Variants in SETBP1 observed in about 807,000 individuals in gnomAD.
SETBP1 encodes the protein SET-binding protein.
In SETBP1, 9 loss-of-function variants were observed where a neutral mutation model predicts 101.0. The ratio of observed to expected loss-of-function variants is 0.09; its 90% CI spans 0.05 to 0.16. The LOEUF (loss-of-function observed/expected upper bound fraction) is 0.16. Ranked by LOEUF, SETBP1 falls within the 10% of genes least tolerant of loss-of-function variation. The pLI is 1.00. For synonymous variants in SETBP1, 818 were observed against 788.5 expected, an observed-to-expected ratio of 1.04 and a Z score of -0.63; for missense variants, 1,858 against 2,033.8, an observed-to-expected ratio of 0.91 and a Z score of 1.66.
intron 2 of SETBP1, among the ~76,000 whole-genome samples, chr18:44,816,108 G>C (rs987762651): frequency 3.3e-5 from 5 of 152,164 alleles, no homozygotes; most frequent in South Asian, 2.1e-4. Context: ...GGAGACAGAG[G>C]GGGAGGTGAG....
At chr18:44,803,912 G>A (rs895522242) in intron 2 of SETBP1, among the ~76,000 whole-genome samples, 2 of 152,020 alleles carry the variant, frequency 1.3e-5, no homozygotes, top group Admixed American at 6.5e-5. Context: ...TCTTCTCATG[G>A]TCTGTTGCAA....
chr18:44,798,660 A>G (rs1181537659), intron 2 of SETBP1, among the ~76,000 whole-genome samples: 1 of 152,164 alleles, frequency 6.6e-6, no homozygotes, highest in African/African-American at 2.4e-5. Context: ...TCTCTGGGTT[A>G]TAAGGAAACC....
chr18:44,716,765 C>T (rs2144308021), intron 2 of SETBP1, among the ~76,000 whole-genome samples: 1 of 152,198 alleles, frequency 6.6e-6, no homozygotes, highest in Non-Finnish European at 1.5e-5. Context: ...GTTTCCCCAT[C>T]TTGGCCAGGC....
At chr18:44,699,778 G>A (rs2069083975) in intron 1 of SETBP1, among the ~76,000 whole-genome samples, 1 of 152,250 alleles carries the variant, frequency 6.6e-6, no homozygotes, top group Admixed American at 6.5e-5. Flanking sequence ...CAGGGTCCGT[G>A]TTGGAGCCGG....
intron 5 of SETBP1, among the ~76,000 whole-genome samples, chr18:45,045,110 C>T (rs1042751155): frequency 5.3e-5 from 8 of 150,598 alleles, no homozygotes; most frequent in Admixed American, 4.6e-4. Flanking sequence ...GGTGAAACCC[C>T]GTCTTTACTA....
At chr18:44,794,935 T>C (rs2071444292) in intron 2 of SETBP1, among the ~76,000 whole-genome samples, 1 of 152,192 alleles carries the variant, frequency 6.6e-6, no homozygotes, top group African/African-American at 2.4e-5. Flanking sequence ...CCTAATATTA[T>C]AGACGAGGCT....
intron 2 of SETBP1, among the ~76,000 whole-genome samples, chr18:44,847,591 T>C (rs2072749772): frequency 6.6e-6 from 1 of 152,196 alleles, no homozygotes; most frequent in African/African-American, 2.4e-5. Context: ...CATTGCTTTG[T>C]GCAACAGGTA....
At chr18:44,761,746 T>C (rs1437479388) in intron 2 of SETBP1, among the ~76,000 whole-genome samples, 1 of 152,286 alleles carries the variant, frequency 6.6e-6, no homozygotes, top group African/African-American at 2.4e-5. Context: ...TGAATGGACC[T>C]TTGGTAATCA....
intron 5 of SETBP1, among the ~76,000 whole-genome samples, chr18:45,059,653 C>G (rs2073861474): frequency 6.6e-6 from 1 of 152,158 alleles, no homozygotes; most frequent in African/African-American, 2.4e-5. Flanking sequence ...TAGCCACTAG[C>G]CACACTGTAG....
intron 2 of SETBP1, among the ~76,000 whole-genome samples, chr18:44,846,052 T>C (rs979708747): frequency 6.6e-6 from 1 of 152,200 alleles, no homozygotes; most frequent in African/African-American, 2.4e-5. Context: ...GCTCCTCATG[T>C]TGAAATGGAA....
At chr18:45,039,664 T>C (rs896619498) in intron 5 of SETBP1, among the ~76,000 whole-genome samples, 2 of 152,242 alleles carry the variant, frequency 1.3e-5, no homozygotes, top group Non-Finnish European at 2.9e-5. Flanking sequence ...TTAATGTAAA[T>C]GTGGCAAGCA....
intron 2 of SETBP1, among the ~76,000 whole-genome samples, chr18:44,791,040 TG>T (rs2071361462): frequency 2.0e-5 from 3 of 152,212 alleles, no homozygotes; most frequent in African/African-American, 7.2e-5. Context: ...GTGAGGAGTC[TG>T]CCTGCCTGGA....
chr18:44,925,065 C>T (rs1217749158), intron 3 of SETBP1, among the ~76,000 whole-genome samples: 1 of 116,812 alleles, frequency 8.6e-6, no homozygotes, highest in Non-Finnish European at 1.7e-5. Context: ...TTCCAGGGCT[C>T]GTTTAATGGC....
At chr18:45,027,092 G>A (rs996643792) in intron 4 of SETBP1, among the ~76,000 whole-genome samples, 2 of 152,136 alleles carry the variant, frequency 1.3e-5, no homozygotes, top group Non-Finnish European at 2.9e-5. Context: ...GAACACCTTT[G>A]AGCTGGCATA....
chr18:44,905,947 C>T (rs552248918), intron 3 of SETBP1, among the ~76,000 whole-genome samples: 1 of 152,344 alleles, frequency 6.6e-6, no homozygotes, highest in East Asian at 1.9e-4. Context: ...TTTACCTCCA[C>T]AACCTTTTAG....
In SETBP1 at chr18:44,951,552, C is replaced by T. The variant is rs1160869968; in HGVS notation, c.2212C>T (p.Pro738Ser). Residue 738 changes from proline to serine, a missense_variant, in exon 4 of 6, where the codon CCA (proline) becomes TCA (serine). Physicochemically the swap from Pro to Ser is moderately conservative, Grantham distance 74. Around this residue, in one of 12 missense-constraint regions of SETBP1, gnomAD observed 121 missense variants for 138.0 expected, o/e 0.88. Transcript: ENST00000649279. This position sits in a 1 kb window ranked among gnomAD's most constrained non-coding sequence, Gnocchi z 7.8. ...GRKPRAELPP[P>S]SEEPKTAIKH... ...GAAGCCAAGAGCAGAGCTGCCACCC[C>T]CATCCGAAGAACCCAAAACAGCCAT... 2 of 1,613,992 alleles carry T rather than the reference C, an allele frequency of 1.2e-6. No individual in the cohort carries two copies. The highest frequency in any genetic ancestry group is 3.3e-5 in the Admixed American group (2 of 59,994).
At chr18:44,937,347 T>C (rs1484278502) in intron 3 of SETBP1, among the ~76,000 whole-genome samples, 14 of 146,298 alleles carry the variant, frequency 9.6e-5, no homozygotes, top group Non-Finnish European at 2.1e-4. Context: ...CCCAGCTACT[T>C]GGGAGGCTGA....
At chr18:45,034,953 A>G (rs1365508455) in intron 4 of SETBP1, among the ~76,000 whole-genome samples, 1 of 151,936 alleles carries the variant, frequency 6.6e-6, no homozygotes. Context: ...TCTCCCTCCC[A>G]TTGATAGAAG....
At chr18:45,022,781 G>T (rs2073096134) in intron 4 of SETBP1, among the ~76,000 whole-genome samples, 1 of 151,786 alleles carries the variant, frequency 6.6e-6, no homozygotes, top group African/African-American at 2.4e-5. Flanking sequence ...AGTGAGCCGA[G>T]ATCACACCAC....
Sources: allele counts gnomAD v4.1 joint callset (sites outside exome capture counted in the v4.1 genomes callset), GRCh38; gene constraint gnomAD v4.1.1; regional missense constraint gnomAD v4.1.1; non-coding constraint Gnocchi (gnomAD v3.1); transcripts MANE v1.5; gene names NCBI Gene and HGNC (gene_info 2026-07-23, HGNC 2026-07-21).